ENPP6: variants seen among roughly 807,000 people sequenced by gnomAD.
The protein encoded by ENPP6 is ectonucleotide pyrophosphatase/phosphodiesterase 6, also known as glycerophosphocholine cholinephosphodiesterase ENPP6.
ENPP6 carries 32 observed loss-of-function variants against 42.0 expected under a neutral mutation model. The ratio of observed to expected loss-of-function variants is 0.76; its 90% CI spans 0.58 to 1.02. The LOEUF is 1.02. ENPP6 is among the 50% of genes least tolerant of loss of function. ENPP6 has a pLI of 0.00. For synonymous variants in ENPP6, 213 were observed against 216.0 expected (o/e 0.99, Z 0.12); for missense variants, 552 against 566.8 (o/e 0.97, Z 0.27).
chr4:184,179,004 G>C (rs1732496532), intron 1 of ENPP6, among the ~76,000 whole-genome samples: 1 of 152,144 alleles, frequency 6.6e-6, no homozygotes, highest in South Asian at 2.1e-4. Context: ...CATGATAACA[G>C]GATCAAATTC....
intron 1 of ENPP6, among the ~76,000 whole-genome samples, chr4:184,185,250 T>G (rs1249936081): frequency 6.6e-6 from 1 of 152,154 alleles, no homozygotes; most frequent in Non-Finnish European, 1.5e-5. Flanking sequence ...GTTGCTCCTG[T>G]CATGATTCTT....
In ENPP6 at chr4:184,107,186, G is replaced by A. The variant is rs1736111205; in HGVS notation, c.993+5486C>T. On this transcript the variant is annotated intron_variant, in intron 6 of 7. Transcript: ENST00000296741. ...GTGTGATCTTCATCCCCTGTGGGAA[G>A]ATGCAGGGCAAAGTCTTTCCAGAAG... 2.0e-5 allele frequency among the ~76,000 whole-genome samples: 3 copies of A among 152,260 alleles called. No individual in the cohort carries two copies. In the South Asian group the frequency reaches 6.2e-4, roughly 32 times the overall value.
chr4:184,186,914 T>G (rs73009724), intron 1 of ENPP6, among the ~76,000 whole-genome samples: 1 of 152,028 alleles, frequency 6.6e-6, no homozygotes. Context: ...CCTCCAAAGG[T>G]GAGCCCCACA....
At chr4:184,167,824 C>T (rs1439145860) in intron 1 of ENPP6, among the ~76,000 whole-genome samples, 3 of 152,148 alleles carry the variant, frequency 2.0e-5, no homozygotes, top group African/African-American at 7.2e-5. Context: ...CGGTGATCTG[C>T]ATATCAACAG....
At chr4:184,114,214 C>A (rs530436570) in intron 5 of ENPP6, among the ~76,000 whole-genome samples, 1 of 152,252 alleles carries the variant, frequency 6.6e-6, no homozygotes, top group Admixed American at 6.5e-5. Context: ...GATCCACCCA[C>A]CTTAGCCTCA....
At chr4:184,198,425 T>C (rs966165016) in intron 1 of ENPP6, among the ~76,000 whole-genome samples, 1 of 152,226 alleles carries the variant, frequency 6.6e-6, no homozygotes, top group Non-Finnish European at 1.5e-5. Flanking sequence ...TCCGAGGCTG[T>C]ACACTAGGGG....
At chr4:184,204,927 C>T (rs959062032) in intron 1 of ENPP6, among the ~76,000 whole-genome samples, 2 of 152,036 alleles carry the variant, frequency 1.3e-5, no homozygotes, top group Admixed American at 6.6e-5. Context: ...AATGCTTTTT[C>T]GCTATAGTAA....
intron 7 of ENPP6, among the ~76,000 whole-genome samples, chr4:184,095,281 A>G (rs1264070880): frequency 1.3e-5 from 2 of 152,206 alleles, no homozygotes; most frequent in Admixed American, 1.3e-4. Context: ...TCTCTTCACC[A>G]AATTTTAACT....
intron 1 of ENPP6, among the ~76,000 whole-genome samples, chr4:184,209,263 A>C (rs1469685282): frequency 6.6e-5 from 10 of 150,670 alleles, no homozygotes; most frequent in Admixed American, 1.3e-4. Flanking sequence ...TGAGAGAAGA[A>C]GGCTTCAGAC....
intron 2 of ENPP6, among the ~76,000 whole-genome samples, chr4:184,131,796 A>AAC (rs140275578): frequency 0.036 from 5,050 of 140,394 alleles, 97 homozygotes; most frequent in Middle Eastern, 0.1. Flanking sequence ...GGACCAATAG[A>AAC]ACACACACAC....
At chr4:184,192,781 A>G (rs1344439542) in intron 1 of ENPP6, among the ~76,000 whole-genome samples, 1 of 152,258 alleles carries the variant, frequency 6.6e-6, no homozygotes, top group Non-Finnish European at 1.5e-5. Context: ...TAAAATGAGT[A>G]AAGGGATTTG....
intron 1 of ENPP6, among the ~76,000 whole-genome samples, chr4:184,174,345 T>C (rs1214196179): frequency 6.6e-6 from 1 of 151,866 alleles, no homozygotes; most frequent in East Asian, 1.9e-4. Flanking sequence ...TTGAAATAAG[T>C]GGGGGCATCA....
intron 6 of ENPP6, among the ~76,000 whole-genome samples, chr4:184,101,945 G>A (rs369449756): frequency 6.6e-6 from 1 of 152,196 alleles, no homozygotes; most frequent in East Asian, 1.9e-4. Flanking sequence ...TCAGGCTTGC[G>A]CGCTTTCCTG....
At chr4:184,180,397 C>A (rs1473004642) in intron 1 of ENPP6, among the ~76,000 whole-genome samples, 2 of 152,010 alleles carry the variant, frequency 1.3e-5, no homozygotes, top group Non-Finnish European at 2.9e-5. Context: ...AGCCCAGGAC[C>A]AGACAGATTT....
intron 6 of ENPP6, among the ~76,000 whole-genome samples, 176 bp from the exon 7 acceptor site, chr4:184,097,544 C>T (rs1438004780): frequency 1.3e-5 from 2 of 152,206 alleles, no homozygotes; most frequent in Non-Finnish European, 2.9e-5. Flanking sequence ...AGACCTCGGG[C>T]AGCAGCCTAT....
At chr4:184,097,786 C>T (rs1735937218) in intron 6 of ENPP6, among the ~76,000 whole-genome samples, 1 of 152,140 alleles carries the variant, frequency 6.6e-6, no homozygotes, top group South Asian at 2.1e-4. Context: ...GCTTTTCATT[C>T]ATAAGGAGCT....
chr4:184,173,119 T>TG lies in ENPP6; in HGVS notation c.242-19387dup, dbSNP rs1397647503. Among the ~76,000 whole-genome samples, 19 of 152,176 alleles carry TG rather than the reference T, an allele frequency of 1.2e-4. No individual in the cohort carries two copies. In the South Asian group the frequency reaches 2.1e-3, roughly 17 times the overall value. On this transcript the variant is annotated intron_variant, in intron 1 of 7. Transcript: ENST00000296741. Reference sequence around the variant, plus strand: ...CGGGGTTCCACCATGTTGGCCAGGCTGTCTCGAACTCCTGACCTCAAATGA... The same window carrying TG: ...CGGGGTTCCACCATGTTGGCCAGGCTGGTCTCGAACTCCTGACCTCAAATGA...
chr4:184,095,693 T>G (rs527257458), intron 7 of ENPP6, among the ~76,000 whole-genome samples: 12 of 151,282 alleles, frequency 7.9e-5, no homozygotes, highest in African/African-American at 2.7e-4. Context: ...TATAGATATA[T>G]ATATTCCTGA....
chr4:184,131,656 G>A (rs145590725), intron 2 of ENPP6, among the ~76,000 whole-genome samples: 21 of 151,718 alleles, frequency 1.4e-4, no homozygotes, highest in African/African-American at 4.4e-4. Context: ...GAGCCATCAC[G>A]CCCTGCCTCT....
Sources: gnomAD v4.1 joint callset for allele counts (sites outside exome capture counted in the v4.1 genomes callset) on GRCh38, gnomAD v4.1.1 for gene constraint, MANE v1.5 for transcripts, NCBI Gene and HGNC (gene_info 2026-07-23, HGNC 2026-07-21) for gene names.